ATP6V1B1: variants seen among roughly 807,000 people sequenced by gnomAD.
ATP6V1B1 encodes ATPase H+ transporting V1 subunit B1.
ATP6V1B1 carries 41 observed loss-of-function variants against 62.1 expected under a neutral mutation model. That is an observed-to-expected ratio of 0.66 (90% confidence interval 0.51 to 0.86). ATP6V1B1 has a LOEUF of 0.86. Among genes scored for constraint, ATP6V1B1 ranks in the 40% least tolerant of loss-of-function variants. The pLI is 0.00. For synonymous variants in ATP6V1B1, 253 were observed against 273.4 expected (o/e 0.93, Z 0.74); for missense variants, 651 against 697.5 (o/e 0.93, Z 0.75).
chr2:70,936,597 G>A (rs1414985386), intron 1 of ATP6V1B1, among the ~76,000 whole-genome samples: 1 of 152,134 alleles, frequency 6.6e-6, no homozygotes, highest in Non-Finnish European at 1.5e-5. Context: ...GTGCCTGTGT[G>A]CATAAGCAGG....
chr2:70,947,185 C>T (rs1165250891), intron 2 of ATP6V1B1, among the ~76,000 whole-genome samples: 1 of 152,082 alleles, frequency 6.6e-6, no homozygotes, highest in Non-Finnish European at 1.5e-5. Flanking sequence ...TGAAGGTATG[C>T]ATGAATGTGC....
At chr2:70,951,068 G>A (rs578043004) in intron 2 of ATP6V1B1, among the ~76,000 whole-genome samples, 89 of 151,270 alleles carry the variant, frequency 5.9e-4, no homozygotes, top group African/African-American at 2.0e-3. Flanking sequence ...TCAGCCTCCC[G>A]AGAAGCTGAG....
At position 70,945,980 on chromosome 2, in the gene ATP6V1B1, C is replaced by G. The variant is rs184031232; in HGVS notation, c.174+2267C>G. On this transcript the variant is annotated intron_variant, in intron 2 of 13. Transcript: ENST00000234396. ...ACTGAGGTATTTGGTCAAGATCTGG[C>G]CATGTATCTCCTCCCTACCCTTCCC... Among the ~76,000 whole-genome samples the G allele has an allele frequency of 4.1e-3, 630 of 151,822 alleles. 3 individuals carry two copies. The highest frequency in any genetic ancestry group is 0.014 in the African/African-American group (596 of 41,364).
At chr2:70,952,480 C>T (rs1388237058) in intron 2 of ATP6V1B1, among the ~76,000 whole-genome samples, 3 of 150,922 alleles carry the variant, frequency 2.0e-5, no homozygotes, top group Non-Finnish European at 2.9e-5. Flanking sequence ...AAAAAAACCA[C>T]ACATAAAACA....
intron 1 of ATP6V1B1, among the ~76,000 whole-genome samples, chr2:70,938,357 C>A (rs1014936559): frequency 6.6e-6 from 1 of 152,088 alleles, no homozygotes; most frequent in Non-Finnish European, 1.5e-5. Flanking sequence ...GGCAGGGCCA[C>A]TCTGTCCCTC....
Position 70,964,097 on chromosome 2 carries a change from C to G in ATP6V1B1, c.1144-341C>G, listed in dbSNP as rs1311392560. The stretch of plus-strand genomic sequence containing the variant: ...TAAAGGTGACCTCTATGACGTTTTT[C>G]TCTTTGCTTGGCAGGTATTTTTTTT... On this transcript the variant is annotated intron_variant, in intron 11 of 13. Coordinates refer to ENST00000234396, the MANE Select transcript of ATP6V1B1 (RefSeq NM_001692.4). The G allele has an allele frequency of 1.4e-5, 4 of 284,596 alleles. No individual in the cohort carries two copies. The African/African-American group carries it at 1.4e-4, about 10-fold the overall frequency. The allele number at this position is 284,596 out of a possible 1,614,324, so 17.6% of individuals were successfully genotyped here. A position where few individuals can be genotyped will look rare whatever the true frequency, so the allele number is the denominator to read the frequency against.
chr2:70,954,896 G>A (rs1442470907), intron 2 of ATP6V1B1, among the ~76,000 whole-genome samples: 2 of 152,198 alleles, frequency 1.3e-5, no homozygotes, highest in East Asian at 1.9e-4. Flanking sequence ...GACTTTTTCC[G>A]GGAAGAAGGT....
At chr2:70,947,558 A>G (rs1680213217) in intron 2 of ATP6V1B1, 3 of 152,238 alleles carry the variant, frequency 2.0e-5, no homozygotes, top group South Asian at 2.1e-4. Context: ...TCCATCCCCA[A>G]TGTCTGTGGC....
rs1553420855 is a variant in ATP6V1B1, at chr2:70,965,123, C to G, written c.*2C>G. 6.2e-7 allele frequency: 1 copy of G among 1,608,832 alleles called. No individual in the cohort carries two copies. The highest frequency in any genetic ancestry group is 1.1e-5 in the South Asian group (1 of 91,030). On this transcript the variant is annotated 3_prime_UTR_variant, in exon 14 of 14. Transcript: ENST00000234396. ...CTCGCGCCTGACACTGCGCTCTAGCCCCGCGCGCCGTGGCACCCCAACACC... is the reference window on the plus strand; with the variant it reads ...CTCGCGCCTGACACTGCGCTCTAGCGCCGCGCGCCGTGGCACCCCAACACC...
intron 2 of ATP6V1B1, chr2:70,944,321 C>A (rs1377774598): frequency 3.0e-6 from 3 of 984,452 alleles, no homozygotes; most frequent in Non-Finnish European, 4.1e-6. Context: ...ATCTTGAGTC[C>A]TGGGGTTGGG....
At chr2:70,961,126 C>T in intron 7 of ATP6V1B1, 104 bp downstream of exon 7, 1 of 1,243,766 alleles carries the variant, frequency 8.0e-7, no homozygotes, top group Non-Finnish European at 1.1e-6. Context: ...CCATCAGTGT[C>T]CCGGCCAGCC....
At chr2:70,958,166 T>C (rs781919081) in intron 3 of ATP6V1B1, 22 bp downstream of exon 3, 12 of 1,611,428 alleles carry the variant, frequency 7.4e-6, no homozygotes, top group South Asian at 4.4e-5. Context: ...CAATGGGACA[T>C]TGGCTAGTTA....
chr2:70,961,788 T>A, intron 8 of ATP6V1B1, 95 bp downstream of exon 8: 1 of 1,189,952 alleles, frequency 8.4e-7, no homozygotes, highest in Non-Finnish European at 1.2e-6. Context: ...ATCCCAGAAC[T>A]ACAGCCATAC....
chr2:70,941,177 C>T (rs1325430856), intron 1 of ATP6V1B1: 1 of 814,690 alleles, frequency 1.2e-6, no homozygotes, highest in Non-Finnish European at 1.5e-6. Flanking sequence ...CTCAGCCTCC[C>T]AGAGTGCTGG....
In ATP6V1B1 at chr2:70,963,556, G is replaced by C; in HGVS notation, c.1061-16G>C. The C allele has an allele frequency of 6.2e-7, 1 of 1,613,256 alleles. No homozygotes were observed. The highest frequency in any genetic ancestry group is 8.5e-7 in the Non-Finnish European group (1 of 1,179,180). Reference sequence around the variant, plus strand: ...TGGGCCCCCACCCACACTGAGGCCAGTGAGTTTTCTTGTAGATATCACCCA... The same window carrying C: ...TGGGCCCCCACCCACACTGAGGCCACTGAGTTTTCTTGTAGATATCACCCA... On this transcript the variant is annotated splice_polypyrimidine_tract_variant and intron_variant, in intron 10 of 13. Transcript: ENST00000234396. The surrounding 1 kb of genome is among the most constrained non-coding windows in gnomAD (Gnocchi z 4.3).
intron 2 of ATP6V1B1, 47 bp from the exon 3 acceptor site, chr2:70,957,999 T>C: frequency 6.4e-7 from 1 of 1,565,744 alleles, no homozygotes; most frequent in Non-Finnish European, 8.7e-7. Flanking sequence ...GAGAAGGGAC[T>C]TTGCCTCCAG....
At chr2:70,943,528 A>T in intron 1 of ATP6V1B1, 130 bp from the exon 2 acceptor site, 1 of 967,026 alleles carries the variant, frequency 1.0e-6, no homozygotes, top group Non-Finnish European at 1.6e-6. Flanking sequence ...TGTCACAGCT[A>T]ATGACCCTGA....
chr2:70,960,762 C>T (rs1254766665), intron 6 of ATP6V1B1, among the ~76,000 whole-genome samples, 159 bp from the exon 7 acceptor site: 3 of 138,226 alleles, frequency 2.2e-5, no homozygotes, highest in Non-Finnish European at 4.7e-5. Context: ...CCCACAATAA[C>T]TCCCACCCCC....
intron 2 of ATP6V1B1, 101 bp downstream of exon 2, chr2:70,943,814 C>A (rs540569470): frequency 2.7e-6 from 4 of 1,470,354 alleles, no homozygotes; most frequent in Non-Finnish European, 2.8e-6. Context: ...CCCTCCATGG[C>A]CCCCAGGGCC....
Sources: allele counts gnomAD v4.1 joint callset (sites outside exome capture counted in the v4.1 genomes callset), GRCh38; gene constraint gnomAD v4.1.1; non-coding constraint Gnocchi (gnomAD v3.1); transcripts MANE v1.5; gene names NCBI Gene and HGNC (gene_info 2026-07-23, HGNC 2026-07-21).